VPS33B: variants seen among roughly 807,000 people sequenced by gnomAD.
The protein encoded by VPS33B is VPS33B late endosome and lysosome associated.
A neutral mutation model predicts 95.3 loss-of-function variants in VPS33B; 80 were observed. The observed-to-expected ratio is 0.84, with a 90% CI of 0.70 to 1.01. VPS33B has a LOEUF of 1.01. VPS33B is among the 50% of genes least tolerant of loss of function. The pLI is 0.00. For missense variants in VPS33B, 715 were observed against 773.4 expected, an observed-to-expected ratio of 0.92 and a Z score of 0.90; for synonymous variants, 280 against 280.4, an observed-to-expected ratio of 1.00 and a Z score of 0.01.
chr15:90,999,753 G>A lies in VPS33B; in HGVS notation c.1698C>T (p.Arg566=), dbSNP rs749618507. Residue 566 remains arginine, a synonymous_variant, in exon 22 of 23, where the codon CGC becomes CGT. Coordinates refer to ENST00000333371, the MANE Select transcript of VPS33B (RefSeq NM_018668.5). The surrounding 1 kb of genome is among the most constrained non-coding windows in gnomAD (Gnocchi z 5.1). Reference sequence around the variant, plus strand: ...CACCCAAGAACACCACCAAGATGAGGCGCAGGGACTCACTGGAAGCCTTGT... The same window carrying A: ...CACCCAAGAACACCACCAAGATGAGACGCAGGGACTCACTGGAAGCCTTGT... ...KEDKASSESL[R]LILVVFLGGC... 6.2e-7 allele frequency: 1 copy of A among 1,614,132 alleles called. No homozygotes were observed. Among genetic ancestry groups the A allele is most frequent in the South Asian group, 1.1e-5 (1 of 91,072 alleles).
In VPS33B at chr15:91,013,630, C is replaced by A. The variant is rs1385795582; in HGVS notation, c.357+174G>T. ...CACAGTCTTGGATTTCACAACCTCC[C>A]CAGACCATGAGCTAAATAAATTTCT... On this transcript the variant is annotated intron_variant, in intron 5 of 22. Transcript: ENST00000333371. The surrounding 1 kb of genome is among the most constrained non-coding windows in gnomAD (Gnocchi z 4.5). 2.6e-5 allele frequency among the ~76,000 whole-genome samples: 4 copies of A among 152,166 alleles called. No homozygotes were observed. In the East Asian group the frequency reaches 7.7e-4, roughly 29 times the overall value.
At position 91,005,063 on chromosome 15, in the gene VPS33B, C is replaced by CT; in HGVS notation, c.1161dup (p.Asp388ArgfsTer20). ...GCCCTCCACCTGCGCACCTGCCGGT[C>CT]TATGTGTTCCTCAATGTAGCTGGTG... On this transcript the variant is annotated frameshift_variant, in exon 15 of 23. Coordinates refer to ENST00000333371, the MANE Select transcript of VPS33B (RefSeq NM_018668.5). LOFTEE classifies it high-confidence loss of function. This position sits in a 1 kb window ranked among gnomAD's most constrained non-coding sequence, Gnocchi z 6.4. 1 of 1,614,264 alleles carries CT rather than the reference C, an allele frequency of 6.2e-7. No individual in the cohort carries two copies. The highest frequency in any genetic ancestry group is 8.5e-7 in the Non-Finnish European group (1 of 1,180,052).
intron 1 of VPS33B, among the ~76,000 whole-genome samples, chr15:91,019,225 C>T: frequency 6.9e-6 from 1 of 144,912 alleles, no homozygotes; most frequent in Non-Finnish European, 1.5e-5. Flanking sequence ...TCAAGCAATT[C>T]TCCTGTCTCA....
rs952789863 is a variant in VPS33B, at chr15:91,009,358, G to A, written c.403+443C>T. Among the ~76,000 whole-genome samples the A allele has an allele frequency of 1.3e-5, 2 of 151,222 alleles. No homozygotes were observed. The highest frequency in any genetic ancestry group is 2.9e-5 in the Non-Finnish European group (2 of 67,922). ...TCTCACTCTTGTTGCCCAGGCTGGA[G>A]TGCAATGGCGTGATCTCGGCTCACT... On this transcript the variant is annotated intron_variant, in intron 6 of 22. Transcript: ENST00000333371. The surrounding 1 kb of genome is among the most constrained non-coding windows in gnomAD (Gnocchi z 4.1).
chr15:90,999,666 C>T lies in VPS33B; in HGVS notation c.1774+11G>A. The T allele has an allele frequency of 6.2e-7, 1 of 1,613,720 alleles. No individual in the cohort carries two copies. Among genetic ancestry groups the T allele is most frequent in the Non-Finnish European group, 8.5e-7 (1 of 1,179,656 alleles). ...ATGCAGGCCAATTCTCACCTTTCTG[C>T]TCTCTCTTACCTTTCTCTCTGCCCA... On this transcript the variant is annotated intron_variant, in intron 22 of 22. Transcript: ENST00000333371. This position sits in a 1 kb window ranked among gnomAD's most constrained non-coding sequence, Gnocchi z 5.1.
In VPS33B at chr15:90,998,732, T is replaced by C; in HGVS notation, c.*243A>G. On this transcript the variant is annotated 3_prime_UTR_variant, in exon 23 of 23. Transcript: ENST00000333371. The surrounding 1 kb of genome is among the most constrained non-coding windows in gnomAD (Gnocchi z 4.8). The stretch of plus-strand genomic sequence containing the variant: ...CATTCAAACAGGATTTAGCAAAGGA[T>C]GCCTCTTCCTGCTCGCATCTTAGCA... The C allele has an allele frequency of 1.7e-6, 1 of 584,640 alleles. No individual in the cohort carries two copies. The allele number at this position is 584,640 out of a possible 1,614,324, so 36.2% of individuals were successfully genotyped here.
Position 91,007,763 on chromosome 15 carries a change from G to A in VPS33B, c.498+107C>T. The A allele has an allele frequency of 1.6e-6, 2 of 1,239,532 alleles. No homozygotes were observed. Among genetic ancestry groups the A allele is most frequent in the Non-Finnish European group, 2.4e-6 (2 of 843,246 alleles). 76.8% of individuals were successfully genotyped at this position (1,239,532 alleles called of 1,614,324 possible). On this transcript the variant is annotated intron_variant, in intron 7 of 22. Transcript: ENST00000333371. This position sits in a 1 kb window ranked among gnomAD's most constrained non-coding sequence, Gnocchi z 5.3. Reference sequence around the variant, plus strand: ...CAATCACCACATCACTATCACTTGTGATAAATTACTTGCGTTGGACAAAGG... The same window carrying A: ...CAATCACCACATCACTATCACTTGTAATAAATTACTTGCGTTGGACAAAGG...
rs1278695303 is a variant in VPS33B at position 91,002,578 on chromosome 15, G to C, written c.1273-396C>G. Reference sequence around the variant, plus strand: ...CTAGGAGGCAGAGGCTGCAGTGAGTGGAGATCGCGCCACTGCACTCTAGCT... The same window carrying C: ...CTAGGAGGCAGAGGCTGCAGTGAGTCGAGATCGCGCCACTGCACTCTAGCT... On this transcript the variant is annotated intron_variant, in intron 17 of 22. Coordinates refer to ENST00000333371, the MANE Select transcript of VPS33B (RefSeq NM_018668.5). The surrounding 1 kb of genome is among the most constrained non-coding windows in gnomAD (Gnocchi z 4.7). Among the ~76,000 whole-genome samples, 1 of 151,216 alleles carries C rather than the reference G, an allele frequency of 6.6e-6. No homozygotes were observed. Among genetic ancestry groups the C allele is most frequent in the African/African-American group, 2.4e-5 (1 of 41,042 alleles).
chr15:91,014,621 A>G (rs2040873630), intron 3 of VPS33B, among the ~76,000 whole-genome samples, 188 bp from the exon 4 acceptor site: 1 of 152,198 alleles, frequency 6.6e-6, no homozygotes, highest in Non-Finnish European at 1.5e-5. Flanking sequence ...CAATGGGTAT[A>G]ATGTGATGAG....
At position 91,005,950 on chromosome 15, in the gene VPS33B, A is replaced by C. The variant is rs778520997; in HGVS notation, c.939+23T>G. On this transcript the variant is annotated intron_variant, in intron 12 of 22. Coordinates refer to ENST00000333371, the MANE Select transcript of VPS33B (RefSeq NM_018668.5). This position sits in a 1 kb window ranked among gnomAD's most constrained non-coding sequence, Gnocchi z 6.4. The stretch of plus-strand genomic sequence containing the variant: ...GGAAGCCACTGAGGCAACAAAACAG[A>C]GGAGCAGGGCTTGGAGCCTCACATC... 1.9e-6 allele frequency: 3 copies of C among 1,613,630 alleles called. No homozygotes were observed. The highest frequency in any genetic ancestry group is 2.5e-6 in the Non-Finnish European group (3 of 1,179,782).
chr15:91,005,861 T>G lies in VPS33B; in HGVS notation c.940-77A>C. On this transcript the variant is annotated intron_variant, in intron 12 of 22. Transcript: ENST00000333371. The surrounding 1 kb of genome is among the most constrained non-coding windows in gnomAD (Gnocchi z 6.4). ...ACCACCCTCCCTCAGTTGCCATCCA[T>G]CCATGAGAAAGGACAGGGAACCTGT... 1 of 1,608,654 alleles carries G rather than the reference T, an allele frequency of 6.2e-7. No individual in the cohort carries two copies. Among genetic ancestry groups the G allele is most frequent in the Non-Finnish European group, 8.5e-7 (1 of 1,175,570 alleles).
At chr15:91,003,961 C>G (rs748772194) in intron 16 of VPS33B, among the ~76,000 whole-genome samples, 8 of 152,148 alleles carry the variant, frequency 5.3e-5, no homozygotes, top group Non-Finnish European at 1.2e-4. Context: ...CAGTAGCTCA[C>G]TCCTGTAATC....
In VPS33B at chr15:91,006,901, C is replaced by T. The variant is rs1240488712; in HGVS notation, c.700+49G>A. 6.2e-7 allele frequency: 1 copy of T among 1,611,260 alleles called. No individual in the cohort carries two copies. Among genetic ancestry groups the T allele is most frequent in the Non-Finnish European group, 8.5e-7 (1 of 1,177,628 alleles). On this transcript the variant is annotated intron_variant, in intron 9 of 22. Coordinates refer to ENST00000333371, the MANE Select transcript of VPS33B (RefSeq NM_018668.5). The surrounding 1 kb of genome is among the most constrained non-coding windows in gnomAD (Gnocchi z 5.4). The stretch of plus-strand genomic sequence containing the variant: ...CTTTGCCACCACGCCTTCCATATTC[C>T]CGTGTCTTCTAGGGCTGAAAGATGA...
chr15:91,007,339 T>C lies in VPS33B; in HGVS notation c.603+130A>G, dbSNP rs2040639717. On this transcript the variant is annotated intron_variant, in intron 8 of 22. Transcript: ENST00000333371. This position sits in a 1 kb window ranked among gnomAD's most constrained non-coding sequence, Gnocchi z 5.3. The stretch of plus-strand genomic sequence containing the variant: ...CCACACAAGTTCTCCTCTCTGAGGA[T>C]CTATTCCAGAACAATGAAAGCAAAG... 1.0e-6 allele frequency: 1 copy of C among 957,164 alleles called. No homozygotes were observed. Among genetic ancestry groups the C allele is most frequent in the African/African-American group, 1.6e-5 (1 of 62,080 alleles). 59.3% of individuals were successfully genotyped at this position (957,164 alleles called of 1,614,324 possible).
At chr15:91,003,585 A>G (rs908589654) in intron 16 of VPS33B, among the ~76,000 whole-genome samples, 5 of 152,072 alleles carry the variant, frequency 3.3e-5, no homozygotes, top group East Asian at 1.9e-4. Context: ...GATTACAGGC[A>G]TGCGCCACCA....
chr15:91,003,148 T>TA lies in VPS33B; in HGVS notation c.1226-18dup. 6.2e-7 allele frequency: 1 copy of TA among 1,613,926 alleles called. No homozygotes were observed. Among genetic ancestry groups the TA allele is most frequent in the Non-Finnish European group, 8.5e-7 (1 of 1,179,944 alleles). On this transcript the variant is annotated splice_polypyrimidine_tract_variant and intron_variant, in intron 16 of 22. Transcript: ENST00000333371. Reference sequence around the variant, plus strand: ...GGATCAAACCTAAGAGTGAAGAAAATAAGACAGGTGCATGAGAAAGAGGCC... The same window carrying TA: ...GGATCAAACCTAAGAGTGAAGAAAATAAAGACAGGTGCATGAGAAAGAGGCC...
Position 91,005,743 on chromosome 15 carries a change from C to G in VPS33B, c.981G>C (p.Val327=). The G allele has an allele frequency of 6.2e-7, 1 of 1,614,140 alleles. No homozygotes were observed. The highest frequency in any genetic ancestry group is 2.2e-5 in the East Asian group (1 of 44,880). ...GMDIKQMKNF[V]SQELKGLKQE... ...GTTTCAGGCCCTTGAGCTCCTGGGACACGAAATTCTTCATCTGCTTAATGT... is the reference window on the plus strand; with the variant it reads ...GTTTCAGGCCCTTGAGCTCCTGGGAGACGAAATTCTTCATCTGCTTAATGT... The change falls in exon 13 of 23, where the codon GTG becomes GTC. Residue 327 remains valine, a synonymous_variant. Coordinates refer to ENST00000333371, the MANE Select transcript of VPS33B (RefSeq NM_018668.5). The surrounding 1 kb of genome is among the most constrained non-coding windows in gnomAD (Gnocchi z 6.4).
Position 91,022,348 on chromosome 15 carries a change from T to C in VPS33B, c.-99A>G. 7.8e-7 allele frequency: 1 copy of C among 1,273,970 alleles called. No homozygotes were observed. Among genetic ancestry groups the C allele is most frequent in the Non-Finnish European group, 1.1e-6 (1 of 936,502 alleles). The allele number at this position is 1,273,970 out of a possible 1,614,324, so 78.9% of individuals were successfully genotyped here. ...CGCAAGGGGGGCTATCCTTCAGGCC[T>C]GGGCACCGACTTCCAGAGACCCCAG... On this transcript the variant is annotated 5_prime_UTR_variant, in exon 1 of 23. Coordinates refer to ENST00000333371, the MANE Select transcript of VPS33B (RefSeq NM_018668.5).
rs568163576 is a variant in VPS33B, at chr15:91,017,660, G to A, written c.177+145C>T. Reference sequence around the variant, plus strand: ...AAAAAAACACAAAACAAAAAAATACGAACAGCATCAATCTCCCTTTTCTAC... The same window carrying A: ...AAAAAAACACAAAACAAAAAAATACAAACAGCATCAATCTCCCTTTTCTAC... On this transcript the variant is annotated intron_variant, in intron 2 of 22. Coordinates refer to ENST00000333371, the MANE Select transcript of VPS33B (RefSeq NM_018668.5). 51 of 770,998 alleles carry A rather than the reference G, an allele frequency of 6.6e-5. 1 individual carries two copies. Among genetic ancestry groups the A allele is most frequent in the Middle Eastern group, 4.7e-4 (2 of 4,230 alleles). 47.8% of individuals were successfully genotyped at this position (770,998 alleles called of 1,614,324 possible).
Sources: gnomAD v4.1 joint callset for allele counts (sites outside exome capture counted in the v4.1 genomes callset) on GRCh38, gnomAD v4.1.1 for gene constraint, Gnocchi (gnomAD v3.1) non-coding constraint, MANE v1.5 for transcripts, NCBI Gene and HGNC (gene_info 2026-07-23, HGNC 2026-07-21) for gene names.